The following AJUBA variants were observed in gnomAD, a reference collection of about 807,000 sequenced individuals.
AJUBA encodes LIM domain-containing protein ajuba.
In AJUBA, 20 loss-of-function variants were observed where a neutral mutation model predicts 53.3. That is an observed-to-expected ratio of 0.38 (90% CI 0.26 to 0.55). The LOEUF is 0.55. AJUBA is among the 20% of genes least tolerant of loss of function. AJUBA has a pLI of 0.80. For missense variants in AJUBA, 580 were observed against 730.5 expected (o/e 0.79, Z 2.38); for synonymous variants, 296 against 306.2 (o/e 0.97, Z 0.35).
chr14:22,972,635 C>T lies in AJUBA; in HGVS notation c.*808G>A, dbSNP rs563914491. The T allele has an allele frequency of 2.0e-5, 3 of 152,634 alleles. No homozygotes were observed. Among genetic ancestry groups the T allele is most frequent in the East Asian group, 3.8e-4 (2 of 5,202 alleles). The allele number at this position is 152,634 out of a possible 1,614,324, so 9.5% of individuals were successfully genotyped here. On this transcript the variant is annotated 3_prime_UTR_variant, in exon 8 of 8. Transcript: ENST00000262713. ...CCCACTCAGAGCTGGTCCCCATTCT[C>T]AGACAGATAAGGAGCTCTCCTAGTC... is the stretch of plus-strand genomic sequence containing the variant.
In AJUBA at chr14:22,975,112, A is replaced by G. The variant is rs2045022627; in HGVS notation, c.1240-8T>C. On this transcript the variant is annotated splice_polypyrimidine_tract_variant and splice_region_variant and intron_variant, in intron 4 of 7. Transcript: ENST00000262713. The stretch of plus-strand genomic sequence containing the variant: ...CCCCATTGCTTGTAGGATCTGGCTC[A>G]TGGGGTAGCAAGAGAATCAGTCTCC... 6.2e-7 allele frequency: 1 copy of G among 1,607,170 alleles called. No individual in the cohort carries two copies. Among genetic ancestry groups the G allele is most frequent in the Non-Finnish European group, 8.5e-7 (1 of 1,176,380 alleles).
chr14:22,980,416 CT>C (rs1343772935), intron 1 of AJUBA, among the ~76,000 whole-genome samples: 5 of 152,200 alleles, frequency 3.3e-5, no homozygotes, highest in African/African-American at 1.2e-4. Flanking sequence ...GGCGCTACTT[CT>C]GGCCTGAATT....
chr14:22,980,861 G>A (rs1271419207), intron 1 of AJUBA, among the ~76,000 whole-genome samples: 1 of 152,046 alleles, frequency 6.6e-6, no homozygotes, highest in African/African-American at 2.4e-5. Context: ...CCTGCGGGCG[G>A]AGCCTGGGCC....
chr14:22,979,489 A>T lies in AJUBA; in HGVS notation c.1007-1044T>A, dbSNP rs2045067885. 6.6e-6 allele frequency among the ~76,000 whole-genome samples: 1 copy of T among 152,234 alleles called. No homozygotes were observed. The highest frequency in any genetic ancestry group is 2.1e-4 in the South Asian group (1 of 4,836). ...AGCTGGGCAAGGCTGAAGCCAAGGA[A>T]GAGGGCCCCTACTAGGGGCAGGAGG... On this transcript the variant is annotated intron_variant, in intron 1 of 7. Transcript: ENST00000262713. The surrounding 1 kb of genome is among the most constrained non-coding windows in gnomAD (Gnocchi z 4.0).
Position 22,973,239 on chromosome 14 carries a change from G to A in AJUBA, c.*204C>T, listed in dbSNP as rs952170551. ...TGCACACATGGGAAAAAGGCCAGTC[G>A]CCCCCACCCTGGTAAATATAAGGTT... On this transcript the variant is annotated 3_prime_UTR_variant, in exon 8 of 8. Coordinates refer to ENST00000262713, the MANE Select transcript of AJUBA (RefSeq NM_032876.6). The A allele has an allele frequency of 1.6e-5, 12 of 771,940 alleles. No individual in the cohort carries two copies. The highest frequency in any genetic ancestry group is 9.2e-5 in the Admixed American group (3 of 32,762). The allele number at this position is 771,940 out of a possible 1,614,324, so 47.8% of individuals were successfully genotyped here.
Position 22,982,551 on chromosome 14 carries a change from T to G in AJUBA, c.-285A>C, listed in dbSNP as rs2045115128. On this transcript the variant is annotated 5_prime_UTR_variant, in exon 1 of 8. Coordinates refer to ENST00000262713, the MANE Select transcript of AJUBA (RefSeq NM_032876.6). ...CTGTTCACGCGTCGACTCGCCCGACTGCCCCACTCTCCCCGGCCCCCGCCC... is the reference window on the plus strand; with the variant it reads ...CTGTTCACGCGTCGACTCGCCCGACGGCCCCACTCTCCCCGGCCCCCGCCC... 1.6e-6 allele frequency: 2 copies of G among 1,287,932 alleles called. No homozygotes were observed. The highest frequency in any genetic ancestry group is 2.0e-6 in the Non-Finnish European group (2 of 1,016,458). 79.8% of individuals were successfully genotyped at this position (1,287,932 alleles called of 1,614,324 possible). A position where few individuals can be genotyped will look rare whatever the true frequency, so the allele number is the denominator to read the frequency against.
Position 22,981,759 on chromosome 14 carries a change from C to G in AJUBA, c.508G>C (p.Asp170His). ...GGCAAGGGGCTCCCGTGGCGCTGGT[C>G]GTAGCCCATGCTGATGCCGCTGGTG... is the stretch of plus-strand genomic sequence containing the variant. ...NRTSGISMGY[D>H]QRHGSPLPAG... The change falls in exon 1 of 8, where the codon GAC (aspartate) becomes CAC (histidine). Residue 170 changes from aspartate to histidine, a missense_variant. By Grantham distance (81) the Asp-to-His change is moderately conservative. Coordinates refer to ENST00000262713, the MANE Select transcript of AJUBA (RefSeq NM_032876.6). 1 of 1,534,860 alleles carries G rather than the reference C, an allele frequency of 6.5e-7. No homozygotes were observed. The highest frequency in any genetic ancestry group is 8.7e-7 in the Non-Finnish European group (1 of 1,146,188).
At chr14:22,978,654 T>C (rs533238070) in intron 1 of AJUBA, 85 of 1,343,642 alleles carry the variant, frequency 6.3e-5, no homozygotes, top group Non-Finnish European at 8.0e-5. Flanking sequence ...CAACAGATAT[T>C]TTCTGAGCAT....
intron 2 of AJUBA, 53 bp from the exon 3 acceptor site, chr14:22,976,765 C>A: frequency 2.5e-6 from 4 of 1,592,080 alleles, no homozygotes; most frequent in Non-Finnish European, 3.4e-6. Context: ...AGGTGCAAGA[C>A]TTCTGGGGTC....
In AJUBA at chr14:22,975,003, G is replaced by A; in HGVS notation, c.1341C>T (p.Asn447=). The change falls in exon 5 of 8, where the codon AAC becomes AAT. Residue 447 remains asparagine, a synonymous_variant. Coordinates refer to ENST00000262713, the MANE Select transcript of AJUBA (RefSeq NM_032876.6). ...GGTAGTCGGTGACACAGTATACTTG[G>A]TTGGAGAAGTCCACTGTGAAGGGGA... ...DGIPFTVDFS[N]QVYCVTDYHK... is the part of the protein sequence containing the mutation. 1 of 1,614,246 alleles carries A rather than the reference G, an allele frequency of 6.2e-7. No homozygotes were observed. The highest frequency in any genetic ancestry group is 8.5e-7 in the Non-Finnish European group (1 of 1,180,046).
At chr14:22,975,582 CGG>C (rs2045026678) in intron 4 of AJUBA, 1 of 154,800 alleles carries the variant, frequency 6.5e-6, no homozygotes, top group Non-Finnish European at 1.4e-5. Flanking sequence ...CAGGACTGGC[CGG>C]GCGCGGCGGC....
At chr14:22,977,379 G>T in intron 2 of AJUBA, 1 of 189,648 alleles carries the variant, frequency 5.3e-6, no homozygotes, top group Non-Finnish European at 9.8e-6. Context: ...AATTCCCCAT[G>T]TGACCAACCC....
At chr14:22,978,317 G>T (rs2045057433) in intron 2 of AJUBA, 27 bp downstream of exon 2, 1 of 1,593,300 alleles carries the variant, frequency 6.3e-7, no homozygotes, top group Non-Finnish European at 8.6e-7. Context: ...GGGGAGGGGA[G>T]TGCTTGAGTA....
Position 22,981,733 on chromosome 14 carries a change from T to A in AJUBA, c.534A>T (p.Pro178=). Residue 178 remains proline (P), a synonymous_variant, in exon 1 of 8, where the codon CCA becomes CCT. Coordinates refer to ENST00000262713, the MANE Select transcript of AJUBA (RefSeq NM_032876.6). ...GTGGGCCAAACAGGCACGGCCCCGCTGGCAAGGGGCTCCCGTGGCGCTGGT... is the reference window on the plus strand; with the variant it reads ...GTGGGCCAAACAGGCACGGCCCCGCAGGCAAGGGGCTCCCGTGGCGCTGGT... ...GYDQRHGSPL[P]AGPCLFGPPL... The A allele has an allele frequency of 6.5e-7, 1 of 1,532,844 alleles. No homozygotes were observed. Among genetic ancestry groups the A allele is most frequent in the Non-Finnish European group, 8.7e-7 (1 of 1,144,656 alleles). The allele number at this position is 1,532,844 out of a possible 1,614,324, so 95.0% of individuals were successfully genotyped here. A position where few individuals can be genotyped will look rare whatever the true frequency, so the allele number is the denominator to read the frequency against.
rs1253220947 is a variant in AJUBA, at chr14:22,973,401, G to T, written c.*42C>A. The T allele has an allele frequency of 6.3e-7, 1 of 1,578,192 alleles. No homozygotes were observed. Among genetic ancestry groups the T allele is most frequent in the Non-Finnish European group, 8.6e-7 (1 of 1,161,932 alleles). On this transcript the variant is annotated 3_prime_UTR_variant, in exon 8 of 8. Coordinates refer to ENST00000262713, the MANE Select transcript of AJUBA (RefSeq NM_032876.6). ...GCCTCAGAGGGGCCCACTGGCCACA[G>T]CAGTTTGTCTGCAGGGTGACAGCAG... is the stretch of plus-strand genomic sequence containing the variant.
chr14:22,974,667 C>A, intron 6 of AJUBA, 172 bp downstream of exon 6: 2 of 695,960 alleles, frequency 2.9e-6, no homozygotes, highest in African/African-American at 3.6e-5. Flanking sequence ...ATGTCCAGGC[C>A]CGGATATTAG....
At chr14:22,980,495 C>T (rs2045076511) in intron 1 of AJUBA, 2 of 670,710 alleles carry the variant, frequency 3.0e-6, no homozygotes, top group African/African-American at 3.9e-5. Context: ...GTTATCCATC[C>T]AGAGGTAATG....
chr14:22,982,096 C>A lies in AJUBA; in HGVS notation c.171G>T (p.Gly57=). 1 of 1,594,140 alleles carries A rather than the reference C, an allele frequency of 6.3e-7. No individual in the cohort carries two copies. The change falls in exon 1 of 8, where the codon GGG becomes GGT. Residue 57 remains glycine (G), a synonymous_variant. Coordinates refer to ENST00000262713, the MANE Select transcript of AJUBA (RefSeq NM_032876.6). ...SGPRGATGGP[G]DEPLEPAREQ... ...CCCGGGCCGGCTCCAACGGCTCATC[C>A]CCAGGTCCCCCAGTAGCTCCTCGGG...
At position 22,973,566 on chromosome 14, in the gene AJUBA, G is replaced by A. The variant is rs1172498885; in HGVS notation, c.1494C>T (p.Asp498=). The change falls in exon 8 of 8, where the codon GAC becomes GAT. Residue 498 remains aspartate, a splice_region_variant and synonymous_variant. Transcript: ENST00000262713. ...CCTCATCACTCAGCTGCATCCGGCA[G>A]TCCTAGGGAAGAAGGCACCTAGTTC... is the stretch of plus-strand genomic sequence containing the variant. ...DYHFECYHCE[D]CRMQLSDEEG... The A allele has an allele frequency of 3.1e-6, 5 of 1,613,988 alleles. No individual in the cohort carries two copies. Among genetic ancestry groups the A allele is most frequent in the Non-Finnish European group, 4.2e-6 (5 of 1,179,982 alleles).
Sources: allele counts gnomAD v4.1 joint callset (sites outside exome capture counted in the v4.1 genomes callset), GRCh38; gene constraint gnomAD v4.1.1; non-coding constraint Gnocchi (gnomAD v3.1); transcripts MANE v1.5; gene names NCBI Gene and HGNC (gene_info 2026-07-23, HGNC 2026-07-21).